ELFN2: variants seen among roughly 807,000 people sequenced by gnomAD.
The protein encoded by ELFN2 is protein phosphatase 1 regulatory subunit 29.
A neutral mutation model predicts 45.5 loss-of-function variants in ELFN2; 17 were observed. That is an observed-to-expected ratio of 0.37 (90% CI 0.26 to 0.56). The LOEUF is 0.56. Ranked by LOEUF, ELFN2 falls within the 20% of genes least tolerant of loss-of-function variation. The pLI is 0.77. For synonymous variants in ELFN2, 550 were observed against 551.5 expected, an observed-to-expected ratio of 1.00 and a Z score of 0.04; for missense variants, 922 against 1,183.2, an observed-to-expected ratio of 0.78 and a Z score of 3.24.
chr22:37,351,578 G>A (rs1480748165), intron 1 of ELFN2, among the ~76,000 whole-genome samples: 1 of 143,948 alleles, frequency 6.9e-6, no homozygotes, highest in South Asian at 2.1e-4. Context: ...ATGCTCCAGC[G>A]TCCCCCCCAC....
intron 2 of ELFN2, among the ~76,000 whole-genome samples, chr22:37,406,195 G>A (rs998861712): frequency 6.6e-6 from 1 of 152,150 alleles, no homozygotes; most frequent in African/African-American, 2.4e-5. Flanking sequence ...TCCCCTATCT[G>A]TACCATTGTC....
chr22:37,404,041 T>A lies in ELFN2; in HGVS notation c.-463+13728A>T, dbSNP rs559522476. Among the ~76,000 whole-genome samples, 4 of 152,280 alleles carry A rather than the reference T, an allele frequency of 2.6e-5. No homozygotes were observed. In the South Asian group the frequency reaches 8.3e-4, roughly 32 times the overall value. Reference sequence around the variant, plus strand: ...GTGATTCTGGTGAGGGAACCACGTATGTGGTACCCAGAAGGTGGCACTTTT... The same window carrying A: ...GTGATTCTGGTGAGGGAACCACGTAAGTGGTACCCAGAAGGTGGCACTTTT... On this transcript the variant is annotated intron_variant, in intron 2 of 2. Coordinates refer to ENST00000402918, the MANE Select transcript of ELFN2 (RefSeq NM_052906.5).
At chr22:37,393,474 G>C (rs1014083728) in intron 2 of ELFN2, among the ~76,000 whole-genome samples, 1 of 152,180 alleles carries the variant, frequency 6.6e-6, no homozygotes, top group Non-Finnish European at 1.5e-5. Context: ...AAATCAGAGA[G>C]GACAACTGAC....
intron 1 of ELFN2, among the ~76,000 whole-genome samples, chr22:37,361,044 C>T (rs1931073662): frequency 6.6e-6 from 1 of 152,118 alleles, no homozygotes; most frequent in African/African-American, 2.4e-5. Flanking sequence ...TGAACCATGT[C>T]AAAGGACCGT....
chr22:37,377,171 G>A (rs951904076), intron 2 of ELFN2, among the ~76,000 whole-genome samples: 3 of 152,222 alleles, frequency 2.0e-5, no homozygotes, highest in Non-Finnish European at 4.4e-5. Context: ...CACAGCGGCA[G>A]ACCATCTGCA....
At chr22:37,341,868 A>C (rs1374087646) in intron 2 of ELFN2, among the ~76,000 whole-genome samples, 2 of 152,110 alleles carry the variant, frequency 1.3e-5, no homozygotes, top group African/African-American at 4.8e-5. Flanking sequence ...GGCACAAATG[A>C]GATAATTTAG....
chr22:37,415,200 T>A (rs133737), intron 2 of ELFN2, among the ~76,000 whole-genome samples: 1 of 151,982 alleles, frequency 6.6e-6, no homozygotes, highest in South Asian at 2.1e-4. Flanking sequence ...CCCTTGCCTG[T>A]CCTGTCCCCC....
At chr22:37,394,053 G>A (rs1280901479) in intron 2 of ELFN2, among the ~76,000 whole-genome samples, 2 of 152,222 alleles carry the variant, frequency 1.3e-5, no homozygotes, top group South Asian at 4.1e-4. Flanking sequence ...AGGCCCAGCT[G>A]CCACCTCGTA....
chr22:37,385,280 C>T (rs1931918327), intron 2 of ELFN2: 1 of 152,254 alleles, frequency 6.6e-6, no homozygotes, highest in Non-Finnish European at 1.5e-5. Context: ...AAAGCACTAT[C>T]ACTATTCCCA....
intron 1 of ELFN2, among the ~76,000 whole-genome samples, chr22:37,422,993 A>G (rs1333549869): frequency 1.3e-5 from 2 of 148,436 alleles, no homozygotes; most frequent in Admixed American, 6.7e-5. Context: ...GAGGAGGAAA[A>G]GAGGTTGGAT....
chr22:37,389,379 G>A (rs1264256291), intron 2 of ELFN2, among the ~76,000 whole-genome samples: 2 of 151,970 alleles, frequency 1.3e-5, no homozygotes, highest in African/African-American at 2.4e-5. Context: ...TTGAGGGCAC[G>A]CCCACACCCA....
chr22:37,374,476 C>T lies in ELFN2; in HGVS notation c.1059G>A (p.Ala353=), dbSNP rs750872344. The change falls in exon 3 of 3, where the codon GCG becomes GCA. Residue 353 remains alanine, a synonymous_variant. Transcript: ENST00000402918. ...TCACGCAGAAGGTGTACTCAGTGTG[C>T]GCCCGCAGTTTGTCCAGCGTCACGA... ...KEIVTLDKLR[A]HTEYTFCVTS... is the part of the protein sequence containing the mutation. The T allele has an allele frequency of 1.2e-5, 20 of 1,614,094 alleles. No individual in the cohort carries two copies. Among genetic ancestry groups the T allele is most frequent in the Middle Eastern group, 1.6e-4 (1 of 6,084 alleles).
chr22:37,392,110 C>T (rs1424245518), intron 2 of ELFN2, among the ~76,000 whole-genome samples: 5 of 152,188 alleles, frequency 3.3e-5, no homozygotes, highest in African/African-American at 4.8e-5. Context: ...AAGCACCGTC[C>T]ATCTTAAGGG....
At chr22:37,398,701 A>G (rs544029184) in intron 2 of ELFN2, among the ~76,000 whole-genome samples, 2 of 151,994 alleles carry the variant, frequency 1.3e-5, no homozygotes, top group Non-Finnish European at 2.9e-5. Flanking sequence ...GTGCCCTCCA[A>G]TACCATCAAG....
At chr22:37,353,850 G>A (rs936019208) in intron 1 of ELFN2, 3 of 150,908 alleles carry the variant, frequency 2.0e-5, no homozygotes, top group East Asian at 3.8e-4. Flanking sequence ...TTGGGAACTC[G>A]AATGGTATCT....
chr22:37,415,060 T>G (rs191671353), intron 2 of ELFN2, among the ~76,000 whole-genome samples: 2 of 152,200 alleles, frequency 1.3e-5, no homozygotes, highest in African/African-American at 2.4e-5. Context: ...TGGAGAAACA[T>G]GCCCAACGGC....
rs755329535 is a variant in ELFN2 at position 37,374,605 on chromosome 22, G to A, written c.930C>T (p.Thr310=). 9 of 1,614,078 alleles carry A rather than the reference G, an allele frequency of 5.6e-6. No individual in the cohort carries two copies. In the Admixed American group the frequency reaches 1.3e-4, roughly 24 times the overall value. The change falls in exon 3 of 3, where the codon ACC becomes ACT. Residue 310 remains threonine, a synonymous_variant. Coordinates refer to ENST00000402918, the MANE Select transcript of ELFN2 (RefSeq NM_052906.5). ...KLHHVTFTSA[T]LVVIIPHPYS... ...AGGGGTGTGGGATGATGACCACCAG[G>A]GTGGCCGAGGTGAACGTGACGTGGT...
intron 1 of ELFN2, chr22:37,420,286 G>T (rs1569145164): frequency 7.4e-6 from 1 of 134,578 alleles, no homozygotes. Context: ...TCGCGCACCC[G>T]CCCCGTGCGC....
chr22:37,420,917 T>C (rs1932804979), intron 1 of ELFN2, among the ~76,000 whole-genome samples: 1 of 151,566 alleles, frequency 6.6e-6, no homozygotes, highest in South Asian at 2.1e-4. Context: ...CTGGGAGGAG[T>C]CTCAGAGACC....
Sources: allele counts gnomAD v4.1 joint callset (sites outside exome capture counted in the v4.1 genomes callset), GRCh38; gene constraint gnomAD v4.1.1; transcripts MANE v1.5; gene names NCBI Gene and HGNC (gene_info 2026-07-23, HGNC 2026-07-21).